The following CDH12 variants were observed in gnomAD, a reference collection of about 807,000 sequenced individuals.
The protein encoded by CDH12 is cadherin 12, also known as cadherin-12.
In CDH12, 41 loss-of-function variants were observed where a neutral mutation model predicts 74.1. That is an observed-to-expected ratio of 0.55 (90% CI 0.43 to 0.72). The LOEUF (loss-of-function observed/expected upper bound fraction) is 0.72, where lower values mean the gene tolerates loss of function less well. Among genes scored for constraint, CDH12 ranks in the 30% least tolerant of loss-of-function variants. CDH12 has a pLI of 0.00. For missense variants in CDH12, 945 were observed against 977.2 expected (o/e 0.97, Z 0.44); for synonymous variants, 399 against 355.0 (o/e 1.12, Z -1.39).
intron 4 of CDH12, among the ~76,000 whole-genome samples, chr5:22,114,740 C>T (rs6863831): frequency 0.43 from 65,450 of 151,872 alleles, 14,537 homozygotes; most frequent in Middle Eastern, 0.51. Flanking sequence ...TATTTGAAGC[C>T]ACGTTATGTC....
chr5:22,522,345 T>C (rs1452570122), intron 1 of CDH12, among the ~76,000 whole-genome samples: 1 of 152,220 alleles, frequency 6.6e-6, no homozygotes, highest in African/African-American at 2.4e-5. Flanking sequence ...CAAATATCTA[T>C]TTTTAAATTT....
chr5:22,329,084 C>A (rs886544886), intron 3 of CDH12, among the ~76,000 whole-genome samples: 1 of 152,056 alleles, frequency 6.6e-6, no homozygotes, highest in African/African-American at 2.4e-5. Flanking sequence ...ATATTACAGG[C>A]TCAGTGAATT....
At position 22,308,889 on chromosome 5, in the gene CDH12, AGAGAGAGAG is replaced by A. The variant is rs1395112834; in HGVS notation, c.-332-96255_-332-96247del. Reference sequence around the variant, plus strand: ...AGAGAGGAGAGAGAGAGAGAAAGAGAGAGAGAGAGGAGAGAGAGGAGAGAGAGAGAGGAG... The same window carrying A: ...AGAGAGGAGAGAGAGAGAGAAAGAGAGAGAGAGAGGAGAGAGAGAGAGGAG... On this transcript the variant is annotated intron_variant, in intron 3 of 14. Coordinates refer to ENST00000382254, the MANE Select transcript of CDH12 (RefSeq NM_004061.5). Among the ~76,000 whole-genome samples the A allele has an allele frequency of 3.9e-4, 16 of 41,516 alleles. No homozygotes were observed. In the South Asian group the frequency reaches 4.5e-3, roughly 12 times the overall value. 27.2% of individuals were successfully genotyped at this position (41,516 alleles called of 152,430 possible). A position where few individuals can be genotyped will look rare whatever the true frequency, so the allele number is the denominator to read the frequency against.
chr5:22,733,791 T>C (rs1744553266), intron 1 of CDH12, among the ~76,000 whole-genome samples: 1 of 151,958 alleles, frequency 6.6e-6, no homozygotes, highest in African/African-American at 2.4e-5. Flanking sequence ...ACTAGTTAGA[T>C]TGGTAGAAGA....
chr5:22,142,372 T>C lies in CDH12; in HGVS notation c.-186-63510A>G, dbSNP rs1343233792. ...TGCTAGGGTAGTAGAACAATGGGAT[T>C]ATGCTGTCACAAAAACCAAAGAAAA... On this transcript the variant is annotated intron_variant, in intron 4 of 14. Coordinates refer to ENST00000382254, the MANE Select transcript of CDH12 (RefSeq NM_004061.5). 3 of 471,584 alleles carry C rather than the reference T, an allele frequency of 6.4e-6. No homozygotes were observed. In the East Asian group the frequency reaches 1.6e-4, roughly 25 times the overall value. 29.2% of individuals were successfully genotyped at this position (471,584 alleles called of 1,614,324 possible). A position where few individuals can be genotyped will look rare whatever the true frequency, so the allele number is the denominator to read the frequency against.
intron 3 of CDH12, among the ~76,000 whole-genome samples, chr5:22,247,263 C>A (rs577373244): frequency 3.4e-4 from 52 of 151,902 alleles, no homozygotes; most frequent in African/African-American, 1.2e-3. Context: ...CAGTTACTTC[C>A]CCTTCTCTTC....
At chr5:22,380,292 CT>C (rs1391531592) in intron 3 of CDH12, among the ~76,000 whole-genome samples, 1 of 152,130 alleles carries the variant, frequency 6.6e-6, no homozygotes, top group East Asian at 1.9e-4. Flanking sequence ...ATATTTCATA[CT>C]AATTATTTCT....
chr5:21,768,245 G>A (rs780379092), intron 11 of CDH12, among the ~76,000 whole-genome samples: 15 of 151,724 alleles, frequency 9.9e-5, no homozygotes, highest in Non-Finnish European at 1.9e-4. Flanking sequence ...TTACTAATTT[G>A]AGGCTCATAT....
intron 10 of CDH12, among the ~76,000 whole-genome samples, chr5:21,790,847 A>G (rs1375706923): frequency 6.6e-6 from 1 of 151,934 alleles, no homozygotes; most frequent in East Asian, 1.9e-4. Flanking sequence ...ATAACCTTCA[A>G]CTTTCTAGTA....
chr5:22,680,723 T>C (rs1741445803), intron 1 of CDH12, among the ~76,000 whole-genome samples: 1 of 152,054 alleles, frequency 6.6e-6, no homozygotes, highest in Non-Finnish European at 1.5e-5. Context: ...ATAGAGTTTC[T>C]GGGGTTAAAT....
chr5:22,706,381 A>T (rs1743009937), intron 1 of CDH12, among the ~76,000 whole-genome samples: 1 of 152,076 alleles, frequency 6.6e-6, no homozygotes, highest in Non-Finnish European at 1.5e-5. Context: ...ATCATAATTC[A>T]TTCATAAATC....
chr5:22,519,385 C>A (rs1736947330), intron 1 of CDH12, among the ~76,000 whole-genome samples: 1 of 151,198 alleles, frequency 6.6e-6, no homozygotes, highest in South Asian at 2.1e-4. Flanking sequence ...AACTTGCCAA[C>A]ATTCAACTCC....
intron 5 of CDH12, among the ~76,000 whole-genome samples, chr5:21,980,148 TAA>T (rs200704666): frequency 0.18 from 25,609 of 140,702 alleles, 2,664 homozygotes; most frequent in African/African-American, 0.28. Flanking sequence ...TAAAGTATAA[TAA>T]AAAAAAAAAA....
intron 4 of CDH12, among the ~76,000 whole-genome samples, chr5:22,106,423 C>T (rs1018717125): frequency 4.6e-5 from 7 of 151,996 alleles, no homozygotes; most frequent in Non-Finnish European, 7.4e-5. Flanking sequence ...TGTATTTTAC[C>T]TAGTAGATGT....
intron 3 of CDH12, among the ~76,000 whole-genome samples, chr5:22,284,856 G>C (rs1324830433): frequency 7.0e-6 from 1 of 142,178 alleles, no homozygotes; most frequent in African/African-American, 2.6e-5. Flanking sequence ...TTTAAAAAAT[G>C]AAAAAAGACC....
intron 1 of CDH12, among the ~76,000 whole-genome samples, chr5:22,581,244 C>T (rs1740086743): frequency 6.6e-6 from 1 of 152,200 alleles, no homozygotes; most frequent in African/African-American, 2.4e-5. Flanking sequence ...GGGCCAGGCC[C>T]AGGGTCCCTG....
intron 3 of CDH12, among the ~76,000 whole-genome samples, chr5:22,297,706 G>A (rs1273321702): frequency 6.6e-6 from 1 of 152,098 alleles, no homozygotes. Flanking sequence ...AGGTTGCTGG[G>A]CTGATGCTGA....
chr5:22,203,035 C>T (rs934288445), intron 4 of CDH12, among the ~76,000 whole-genome samples: 7 of 151,686 alleles, frequency 4.6e-5, no homozygotes, highest in South Asian at 4.2e-4. Context: ...CATAGGTATA[C>T]GATGTGTAAT....
intron 4 of CDH12, among the ~76,000 whole-genome samples, chr5:22,147,051 TG>T: frequency 6.6e-6 from 1 of 152,348 alleles, no homozygotes; most frequent in South Asian, 2.1e-4. Context: ...TATGTTCTTA[TG>T]GAAATTTAAC....
Sources: gnomAD v4.1 joint callset for allele counts (sites outside exome capture counted in the v4.1 genomes callset) on GRCh38, gnomAD v4.1.1 for gene constraint, MANE v1.5 for transcripts, NCBI Gene and HGNC (gene_info 2026-07-23, HGNC 2026-07-21) for gene names.